PHYKPL: variants seen among roughly 807,000 people sequenced by gnomAD.
The protein encoded by PHYKPL is 5-phosphohydroxy-L-lysine phospho-lyase.
A neutral mutation model predicts 51.3 loss-of-function variants in PHYKPL; 42 were observed. The ratio of observed to expected loss-of-function variants is 0.82; its 90% confidence interval spans 0.64 to 1.06. The LOEUF (loss-of-function observed/expected upper bound fraction) is 1.06, where lower values mean the gene tolerates loss of function less well. Ranked by LOEUF, PHYKPL falls within the 50% of genes least tolerant of loss-of-function variation. The probability of loss-of-function intolerance (pLI) is 0.00; values close to 1 mark genes in which losing one functional copy is unlikely to be tolerated. For missense variants in PHYKPL, 655 were observed against 586.6 expected, an observed-to-expected ratio of 1.12 and a Z score of -1.20; for synonymous variants, 264 against 236.0, an observed-to-expected ratio of 1.12 and a Z score of -1.09.
chr5:178,231,891 C>T, intron 1 of PHYKPL: 1 of 1,313,890 alleles, frequency 7.6e-7, no homozygotes, highest in Non-Finnish European at 1.0e-6. Context: ...GCCAGGGCAC[C>T]AACATTAGGT....
intron 3 of PHYKPL, chr5:178,228,690 G>T (rs1024955372): frequency 8.7e-6 from 6 of 688,660 alleles, no homozygotes; most frequent in Non-Finnish European, 1.3e-5. Context: ...ATAATTCAAC[G>T]CCACCACCTA....
intron 12 of PHYKPL, chr5:178,210,372 A>G: frequency 6.3e-7 from 1 of 1,589,826 alleles, no homozygotes; most frequent in Non-Finnish European, 8.6e-7. Context: ...GGAGTCAGAC[A>G]GGCCTGGCTC....
chr5:178,232,459 GCGCCCCC>G (rs918168447), intron 1 of PHYKPL, 26 bp downstream of exon 1: 1 of 1,373,020 alleles, frequency 7.3e-7, no homozygotes, highest in Non-Finnish European at 9.3e-7. Context: ...GCGCAGCCCC[GCGCCCCC>G]CGCCGCCCGC....
At chr5:178,225,318 G>C (rs1581333733) in intron 4 of PHYKPL, 37 bp downstream of exon 4, 2 of 1,612,460 alleles carry the variant, frequency 1.2e-6, no homozygotes, top group East Asian at 2.2e-5. Context: ...CTGTGGGCCA[G>C]GCTTCTGGGA....
intron 1 of PHYKPL, chr5:178,231,943 G>A: frequency 7.9e-7 from 1 of 1,259,734 alleles, no homozygotes; most frequent in Non-Finnish European, 1.0e-6. Context: ...CAGCCACGTG[G>A]CCCTGCTGCC....
chr5:178,232,326 C>T, intron 1 of PHYKPL, 166 bp downstream of exon 1: 3 of 1,266,680 alleles, frequency 2.4e-6, no homozygotes, highest in East Asian at 3.4e-5. Flanking sequence ...CCGCCCGCCT[C>T]GGGCCCTAGA....
chr5:178,209,400 A>T (rs752893394), intron 12 of PHYKPL: 1 of 1,614,142 alleles, frequency 6.2e-7, no homozygotes. Context: ...GGCCGTGGAA[A>T]CCGCAACCGA....
At position 178,210,408 on chromosome 5, in the gene PHYKPL, G is replaced by A; in HGVS notation, c.*31+1482C>T. 18 of 1,549,756 alleles carry A rather than the reference G, an allele frequency of 1.2e-5. No individual in the cohort carries two copies. In the South Asian group the frequency reaches 2.1e-4, roughly 18 times the overall value. On this transcript the variant is annotated intron_variant, in intron 12 of 12. Coordinates refer to ENST00000308158, the MANE Select transcript of PHYKPL (RefSeq NM_153373.4). The stretch of plus-strand genomic sequence containing the variant: ...AGCCATGGGAGCTACTTGATTTTGA[G>A]CCTTAGACTTCGGGGTCTTAATAAC...
At chr5:178,219,519 G>A (rs1195495988) in intron 8 of PHYKPL, among the ~76,000 whole-genome samples, 5 of 150,554 alleles carry the variant, frequency 3.3e-5, no homozygotes, top group South Asian at 2.1e-4. Flanking sequence ...GCGCAATCTC[G>A]GCTCACTGCA....
chr5:178,220,438 T>G (rs553938820), intron 8 of PHYKPL, among the ~76,000 whole-genome samples: 69 of 151,738 alleles, frequency 4.5e-4, no homozygotes, highest in African/African-American at 1.6e-3. Flanking sequence ...GAGGTTGCAG[T>G]GAGCCGAGAT....
intron 6 of PHYKPL, chr5:178,223,790 T>C (rs1761699788): frequency 3.4e-6 from 1 of 294,826 alleles, no homozygotes; most frequent in South Asian, 2.8e-5. Context: ...GTTGTCACCG[T>C]AGGTAACACA....
rs1763700671 is a variant in PHYKPL at position 178,232,440 on chromosome 5, T to C, written c.59+52A>G. 6 of 1,377,310 alleles carry C rather than the reference T, an allele frequency of 4.4e-6. No individual in the cohort carries two copies. In the South Asian group the frequency reaches 8.3e-5, roughly 19 times the overall value. 85.3% of individuals were successfully genotyped at this position (1,377,310 alleles called of 1,614,324 possible). ...TGCGTGCGTGCGTCGTGCGTGCGCG[T>C]GCCTCTCCGCGCAGCCCCGCGCCCC... On this transcript the variant is annotated intron_variant, in intron 1 of 12. Coordinates refer to ENST00000308158, the MANE Select transcript of PHYKPL (RefSeq NM_153373.4).
intron 6 of PHYKPL, chr5:178,223,856 G>C (rs1188851343): frequency 2.8e-5 from 6 of 215,652 alleles, no homozygotes; most frequent in Non-Finnish European, 5.7e-5. Flanking sequence ...GCCCCCGTCA[G>C]GCCTCCCCAC....
At chr5:178,208,176 GAGGGTGCGGCCTGCAGTGGC>G (rs1038810034), downstream of PHYKPL, among the ~76,000 whole-genome samples, 5 of 152,214 alleles carry the variant, frequency 3.3e-5, no homozygotes, top group African/African-American at 1.2e-4. Context: ...GTTGGGAGTT[GAGGGTGCGGCCTGCAGTGGC>G]AGGGTGTGGC....
At chr5:178,222,292 A>AG in intron 8 of PHYKPL, 63 bp downstream of exon 8, 1 of 1,428,542 alleles carries the variant, frequency 7.0e-7, no homozygotes, top group Non-Finnish European at 9.6e-7. Context: ...GACTAAGGAC[A>AG]GGCTGATCAC....
chr5:178,211,953 T>C lies in PHYKPL; in HGVS notation c.1321A>G (p.Arg441Gly). 1.2e-6 allele frequency: 2 copies of C among 1,614,176 alleles called. No individual in the cohort carries two copies. The highest frequency in any genetic ancestry group is 1.7e-6 in the Non-Finnish European group (2 of 1,180,026). ...AILTDMEEKV[R>G]SCETLRLQP ...TGGAGCCTCAGCGTTTCACAACTTC[T>C]CACCTTCTCTTCCATGTCTGAAAAA... The change falls in exon 12 of 13, where the codon AGA becomes GGA. Residue 441 changes from arginine (R) to glycine (G), a missense_variant. Physicochemically the swap from Arg to Gly is moderately radical, Grantham distance 125 (BLOSUM62 -2). Coordinates refer to ENST00000308158, the MANE Select transcript of PHYKPL (RefSeq NM_153373.4).
Position 178,219,717 on chromosome 5 carries a change from T to G in PHYKPL, c.927+2638A>C, listed in dbSNP as rs533549614. On this transcript the variant is annotated intron_variant, in intron 8 of 12. Coordinates refer to ENST00000308158, the MANE Select transcript of PHYKPL (RefSeq NM_153373.4). ...TGCCCACCTCGGCTTCCCAAAGTGC[T>G]GGGATTACAGGCGTGAGCCACCGCA... Among the ~76,000 whole-genome samples the G allele has an allele frequency of 1.1e-4, 17 of 152,096 alleles. No homozygotes were observed. The East Asian group carries it at 3.1e-3, about 28-fold the overall frequency.
chr5:178,224,914 T>C, intron 4 of PHYKPL, 185 bp from the exon 5 acceptor site: 2 of 586,712 alleles, frequency 3.4e-6, no homozygotes, highest in South Asian at 2.1e-5. Flanking sequence ...GCAAGACTGC[T>C]GACTGGCTAT....
intron 8 of PHYKPL, chr5:178,216,490 C>CA (rs896387857): frequency 1.3e-5 from 2 of 152,080 alleles, no homozygotes; most frequent in Admixed American, 1.3e-4. Flanking sequence ...CCACACATGA[C>CA]AAAGAACACA....
Sources: gnomAD v4.1 joint callset for allele counts (sites outside exome capture counted in the v4.1 genomes callset) on GRCh38, gnomAD v4.1.1 for gene constraint, MANE v1.5 for transcripts, NCBI Gene and HGNC (gene_info 2026-07-23, HGNC 2026-07-21) for gene names.